Variants in PRKD1 observed in about 807,000 individuals in gnomAD.
PRKD1 encodes protein kinase D1, also known as serine/threonine-protein kinase D1.
PRKD1 carries 63 observed loss-of-function variants against 95.9 expected under a neutral mutation model. The observed-to-expected ratio is 0.66, with a 90% CI of 0.54 to 0.81. The LOEUF is 0.81. Among genes scored for constraint, PRKD1 ranks in the 30% least tolerant of loss-of-function variants. The pLI, the probability that PRKD1 is intolerant of heterozygous loss-of-function variation, is 0.00. For missense variants in PRKD1, 1,048 were observed against 1,165.3 expected (o/e 0.90, Z 1.47); for synonymous variants, 425 against 423.1 (o/e 1.00, Z -0.05).
intron 7 of PRKD1, 77 bp from the exon 8 acceptor site, chr14:29,634,618 T>C: frequency 6.4e-7 from 1 of 1,555,488 alleles, no homozygotes; most frequent in Non-Finnish European, 8.8e-7. Context: ...AAACCTTATG[T>C]CAGCTAATCC....
At chr14:29,601,727 G>A (rs185686867) in intron 13 of PRKD1, among the ~76,000 whole-genome samples, 4 of 152,278 alleles carry the variant, frequency 2.6e-5, no homozygotes, top group East Asian at 3.9e-4. Flanking sequence ...CTAATATGAC[G>A]ACATACACTT....
At chr14:29,700,988 GCACA>G (rs1555337072) in intron 2 of PRKD1, among the ~76,000 whole-genome samples, 3 of 90,568 alleles carry the variant, frequency 3.3e-5, no homozygotes, top group Non-Finnish European at 7.6e-5. Flanking sequence ...GCGCGCGCGC[GCACA>G]CACACACACA....
chr14:29,772,738 A>G (rs1888565446), intron 1 of PRKD1, among the ~76,000 whole-genome samples: 1 of 152,158 alleles, frequency 6.6e-6, no homozygotes, highest in South Asian at 2.1e-4. Context: ...GCCTCCAAAG[A>G]CTATAGAATT....
chr14:29,801,292 G>C (rs1890016317), intron 1 of PRKD1, among the ~76,000 whole-genome samples: 2 of 152,154 alleles, frequency 1.3e-5, no homozygotes, highest in South Asian at 4.1e-4. Context: ...AAAGCTTACT[G>C]AATATGGATG....
intron 1 of PRKD1, among the ~76,000 whole-genome samples, chr14:29,748,692 A>C (rs973310626): frequency 6.6e-6 from 1 of 152,212 alleles, no homozygotes; most frequent in Non-Finnish European, 1.5e-5. Context: ...AGCACCTAGG[A>C]CATGCCAAGC....
intron 13 of PRKD1, among the ~76,000 whole-genome samples, chr14:29,622,752 GA>G: frequency 6.6e-6 from 1 of 152,128 alleles, no homozygotes; most frequent in East Asian, 1.9e-4. Flanking sequence ...TGTGTTGACA[GA>G]CTTGGGGAAA....
chr14:29,861,019 C>T (rs553935979), intron 1 of PRKD1, among the ~76,000 whole-genome samples: 1 of 152,168 alleles, frequency 6.6e-6, no homozygotes, highest in Admixed American at 6.5e-5. Flanking sequence ...ATGAAATGGA[C>T]CTCCCCTTCC....
chr14:29,643,390 A>T (rs1372024613), intron 4 of PRKD1, among the ~76,000 whole-genome samples: 2 of 152,228 alleles, frequency 1.3e-5, no homozygotes, highest in African/African-American at 4.8e-5. Flanking sequence ...CAATTTTTTT[A>T]AGTTTGTGGT....
intron 1 of PRKD1, among the ~76,000 whole-genome samples, chr14:29,749,127 T>C (rs773902575): frequency 2.0e-5 from 3 of 152,280 alleles, no homozygotes; most frequent in South Asian, 2.1e-4. Flanking sequence ...ATTACATATA[T>C]GTAACCCCTC....
chr14:29,583,844 TGAA>T (rs1397221727), intron 16 of PRKD1, among the ~76,000 whole-genome samples: 1 of 152,208 alleles, frequency 6.6e-6, no homozygotes, highest in Non-Finnish European at 1.5e-5. Context: ...ATTTATTTTT[TGAA>T]ATCTAATGTT....
chr14:29,689,759 T>C (rs1376154396), intron 2 of PRKD1, among the ~76,000 whole-genome samples: 4 of 152,174 alleles, frequency 2.6e-5, no homozygotes, highest in Admixed American at 2.0e-4. Context: ...AAAGAAAATG[T>C]GGCACATACA....
chr14:29,634,339 C>T (rs867894183), intron 8 of PRKD1, 79 bp downstream of exon 8: 1 of 1,602,296 alleles, frequency 6.2e-7, no homozygotes, highest in African/African-American at 1.3e-5. Flanking sequence ...GCAGAAATCT[C>T]ACAGTCCTCA....
In PRKD1 at chr14:29,646,988, C is replaced by A. The variant is rs141901074; in HGVS notation, c.697-8084G>T. Among the ~76,000 whole-genome samples, 458 of 152,146 alleles carry A rather than the reference C, an allele frequency of 3.0e-3. 2 individuals carry two copies. Among genetic ancestry groups the A allele is most frequent in the African/African-American group, 0.01 (428 of 41,516 alleles). On this transcript the variant is annotated intron_variant, in intron 4 of 17. Coordinates refer to ENST00000331968, the MANE Select transcript of PRKD1 (RefSeq NM_002742.3). Reference sequence around the variant, plus strand: ...TTTGGTGGTATTCAGATTCTCTATTCCTTGAGCTAACTGTCAAATATCCTA... The same window carrying A: ...TTTGGTGGTATTCAGATTCTCTATTACTTGAGCTAACTGTCAAATATCCTA...
At chr14:29,784,676 A>T (rs552353109) in intron 1 of PRKD1, among the ~76,000 whole-genome samples, 1 of 152,318 alleles carries the variant, frequency 6.6e-6, no homozygotes, top group South Asian at 2.1e-4. Flanking sequence ...TTAAGGATAC[A>T]AAAGTTGCCT....
At chr14:29,863,157 G>GA (rs1248244265) in intron 1 of PRKD1, among the ~76,000 whole-genome samples, 1 of 152,178 alleles carries the variant, frequency 6.6e-6, no homozygotes, top group Non-Finnish European at 1.5e-5. Flanking sequence ...AAAACTGGCA[G>GA]AAAAGAGTCA....
chr14:29,588,688 A>C (rs567561953), intron 16 of PRKD1, among the ~76,000 whole-genome samples: 1 of 152,184 alleles, frequency 6.6e-6, no homozygotes, highest in South Asian at 2.1e-4. Context: ...GCATCACCAT[A>C]ATCTGATAAT....
intron 2 of PRKD1, among the ~76,000 whole-genome samples, chr14:29,675,938 T>C (rs541058715): frequency 3.0e-5 from 4 of 134,054 alleles, no homozygotes; most frequent in Non-Finnish European, 6.2e-5. Context: ...ATGAGAACAC[T>C]TGGACACAGG....
At chr14:29,874,354 G>C (rs1893213151) in intron 1 of PRKD1, among the ~76,000 whole-genome samples, 1 of 152,152 alleles carries the variant, frequency 6.6e-6, no homozygotes, top group African/African-American at 2.4e-5. Flanking sequence ...AAAGCAAAGG[G>C]AACTCTTATA....
chr14:29,916,698 T>C (rs1333689910), intron 1 of PRKD1, among the ~76,000 whole-genome samples: 1 of 152,200 alleles, frequency 6.6e-6, no homozygotes, highest in Non-Finnish European at 1.5e-5. Context: ...CCAAGGATGC[T>C]AAATGCAAAG....
Sources: allele counts gnomAD v4.1 joint callset (sites outside exome capture counted in the v4.1 genomes callset), GRCh38; gene constraint gnomAD v4.1.1; transcripts MANE v1.5; gene names NCBI Gene and HGNC (gene_info 2026-07-23, HGNC 2026-07-21).